ETV6: variants seen among roughly 807,000 people sequenced by gnomAD.
ETV6 encodes ETS variant transcription factor 6.
In ETV6, 16 loss-of-function variants were observed where a neutral mutation model predicts 51.1. The observed-to-expected ratio is 0.31, with a 90% CI of 0.21 to 0.48. ETV6 has a LOEUF of 0.48. Ranked by LOEUF, ETV6 falls within the 20% of genes least tolerant of loss-of-function variation. The probability of loss-of-function intolerance (pLI) is 0.99; values close to 1 mark genes in which losing one functional copy is unlikely to be tolerated. For missense variants in ETV6, 458 were observed against 594.8 expected (o/e 0.77, Z 2.39); for synonymous variants, 240 against 224.1 (o/e 1.07, Z -0.64).
chr12:11,650,503 C>CAAACA, intron 1 of ETV6, among the ~76,000 whole-genome samples: 1 of 120,170 alleles, frequency 8.3e-6, no homozygotes, highest in Non-Finnish European at 1.6e-5. Context: ...AAACAAAAAA[C>CAAACA]AAAAAAAAAA....
rs77392136 is a variant in ETV6, at chr12:11,730,273, G to T, written c.34-22177G>T. Among the ~76,000 whole-genome samples the T allele has an allele frequency of 9.8e-3, 1,488 of 152,330 alleles. 29 individuals are homozygous for T. Among genetic ancestry groups the T allele is most frequent in the African/African-American group, 0.034 (1,417 of 41,556 alleles). ...CTTTGTAGGCCTCTGGGATTGTGGT[G>T]AGAAAACCTTATCCCTCTCTTATTT... is the stretch of plus-strand genomic sequence containing the variant. On this transcript the variant is annotated intron_variant, in intron 1 of 7. Coordinates refer to ENST00000396373, the MANE Select transcript of ETV6 (RefSeq NM_001987.5).
chr12:11,767,326 T>C (rs1945177160), intron 2 of ETV6, among the ~76,000 whole-genome samples: 1 of 152,254 alleles, frequency 6.6e-6, no homozygotes, highest in African/African-American at 2.4e-5. Context: ...CCTATAAGCC[T>C]TCATACTTCT....
intron 1 of ETV6, among the ~76,000 whole-genome samples, chr12:11,750,681 A>G (rs1866004891): frequency 6.6e-6 from 1 of 152,084 alleles, no homozygotes; most frequent in African/African-American, 2.4e-5. Context: ...ACAAGAGTTG[A>G]AGAGTATGGA....
chr12:11,803,000 C>CT (rs1945773474), intron 2 of ETV6, among the ~76,000 whole-genome samples: 1 of 152,186 alleles, frequency 6.6e-6, no homozygotes, highest in Non-Finnish European at 1.5e-5. Context: ...TCAAGAACGT[C>CT]TTGTAAGTGC....
intron 1 of ETV6, among the ~76,000 whole-genome samples, chr12:11,701,210 G>A (rs987475090): frequency 6.6e-6 from 1 of 151,556 alleles, no homozygotes; most frequent in Non-Finnish European, 1.5e-5. Flanking sequence ...TCACATTGTT[G>A]TGCAACCATC....
intron 1 of ETV6, among the ~76,000 whole-genome samples, chr12:11,740,088 C>G (rs1865782038): frequency 1.3e-5 from 2 of 152,166 alleles, no homozygotes; most frequent in East Asian, 3.8e-4. Context: ...ACTCAGAAAC[C>G]ACTGATTCTC....
intron 2 of ETV6, among the ~76,000 whole-genome samples, chr12:11,786,707 A>G (rs1945491519): frequency 6.6e-6 from 1 of 152,228 alleles, no homozygotes; most frequent in South Asian, 2.1e-4. Context: ...TGATTTCTAA[A>G]GACTCTTCCA....
Position 11,891,848 on chromosome 12 carries a change from C to CCATCTGAGGGAGGCCAAAATCATCA in ETV6, c.*805_*829dup, listed in dbSNP as rs1947293193. 4 of 319,254 alleles carry CCATCTGAGGGAGGCCAAAATCATCA rather than the reference C, an allele frequency of 1.3e-5. No homozygotes were observed. The highest frequency in any genetic ancestry group is 2.1e-5 in the African/African-American group (1 of 48,056). The allele number at this position is 319,254 out of a possible 1,614,324, so 19.8% of individuals were successfully genotyped here. A position where few individuals can be genotyped will look rare whatever the true frequency, so the allele number is the denominator to read the frequency against. ...AACCCGCATCCCAGCATTGGGCCACCCATCTGAGGGAGGCCAAAATCATCA... is the reference window on the plus strand; with the variant it reads ...AACCCGCATCCCAGCATTGGGCCACCCATCTGAGGGAGGCCAAAATCATCACATCTGAGGGAGGCCAAAATCATCA... On this transcript the variant is annotated 3_prime_UTR_variant, in exon 8 of 8. Coordinates refer to ENST00000396373, the MANE Select transcript of ETV6 (RefSeq NM_001987.5).
chr12:11,749,292 C>T (rs1265400116), intron 1 of ETV6, among the ~76,000 whole-genome samples: 3 of 9,602 alleles, frequency 3.1e-4, no homozygotes, highest in Non-Finnish European at 8.4e-4. Context: ...CCCCCATACA[C>T]ACACACACAC....
intron 2 of ETV6, among the ~76,000 whole-genome samples, chr12:11,794,268 G>C (rs1945644950): frequency 6.6e-6 from 1 of 152,170 alleles, no homozygotes. Context: ...ACTGGACATT[G>C]GCTAAGCTCA....
At chr12:11,884,755 T>TAAAG (rs1317346212) in intron 6 of ETV6, among the ~76,000 whole-genome samples, 168 bp downstream of exon 6, 1 of 152,214 alleles carries the variant, frequency 6.6e-6, no homozygotes, top group Non-Finnish European at 1.5e-5. Context: ...AGGAAATAAT[T>TAAAG]AAAGATGCAT....
In ETV6 at chr12:11,839,159, G is replaced by C; in HGVS notation, c.183G>C (p.Trp61Cys). The change falls in exon 3 of 8, where the codon TGG becomes TGC. Residue 61 changes from tryptophan (W) to cysteine (C), a missense_variant. Physicochemically the swap from Trp to Cys is radical, Grantham distance 215 (BLOSUM62 -2). Transcript: ENST00000396373. ...CAACAGGCTTGCAGCCAATTTACTG[G>C]AGCAGGGATGACGTAGCCCAGTGGC... ...PAHLRLQPIY[W>C]SRDDVAQWLK... 1 of 1,614,068 alleles carries C rather than the reference G, an allele frequency of 6.2e-7. No individual in the cohort carries two copies. Among genetic ancestry groups the C allele is most frequent in the Non-Finnish European group, 8.5e-7 (1 of 1,179,934 alleles).
At chr12:11,700,110 A>G (rs1023311803) in intron 1 of ETV6, among the ~76,000 whole-genome samples, 4 of 152,160 alleles carry the variant, frequency 2.6e-5, no homozygotes, top group African/African-American at 9.7e-5. Flanking sequence ...GGCCTGGAAC[A>G]TTGGAGGTAC....
intron 2 of ETV6, among the ~76,000 whole-genome samples, chr12:11,760,934 GTATATATGTATATATGTGTGTA>G (rs1565515731): frequency 2.3e-5 from 1 of 44,226 alleles, no homozygotes; most frequent in Admixed American, 5.8e-4. Context: ...GTGTGTGTGT[GTATATATGTATATATGTGTGTA>G]TATGTATATG....
At chr12:11,828,633 C>T (rs1247289502) in intron 2 of ETV6, among the ~76,000 whole-genome samples, 1 of 152,182 alleles carries the variant, frequency 6.6e-6, no homozygotes, top group Non-Finnish European at 1.5e-5. Context: ...TTTGAAATCA[C>T]AAGCAAATAT....
intron 1 of ETV6, among the ~76,000 whole-genome samples, chr12:11,742,205 C>CA (rs1244225755): frequency 1.3e-5 from 2 of 152,230 alleles, no homozygotes; most frequent in Non-Finnish European, 2.9e-5. Flanking sequence ...GTCATGCACA[C>CA]ACACTTCTGT....
chr12:11,853,391 T>G (rs1338854196), intron 3 of ETV6, 36 bp from the exon 4 acceptor site: 2 of 1,613,254 alleles, frequency 1.2e-6, no homozygotes, highest in Non-Finnish European at 1.7e-6. Flanking sequence ...AAAACATCTT[T>G]CCATTTCTCG....
At chr12:11,689,342 G>C (rs1397252900) in intron 1 of ETV6, among the ~76,000 whole-genome samples, 2 of 152,164 alleles carry the variant, frequency 1.3e-5, no homozygotes, top group Non-Finnish European at 2.9e-5. Flanking sequence ...GATGGAGGTG[G>C]GGAGGAGTGG....
chr12:11,714,272 C>T (rs2120895456), intron 1 of ETV6, among the ~76,000 whole-genome samples: 1 of 152,328 alleles, frequency 6.6e-6, no homozygotes, highest in Middle Eastern at 3.4e-3. Context: ...GGCCTCCCCA[C>T]ATTTTCTGGG....
Sources: allele counts gnomAD v4.1 joint callset (sites outside exome capture counted in the v4.1 genomes callset), GRCh38; gene constraint gnomAD v4.1.1; transcripts MANE v1.5; gene names NCBI Gene and HGNC (gene_info 2026-07-23, HGNC 2026-07-21).